Variants in NFATC2 observed in about 807,000 individuals in gnomAD.
NFATC2 encodes nuclear factor of activated T cells 2, also known as nuclear factor of activated T-cells, cytoplasmic 2.
Under a neutral mutation model 87.3 loss-of-function variants are expected in NFATC2, and 22 were observed. The ratio of observed to expected loss-of-function variants is 0.25; its 90% CI spans 0.18 to 0.36. The LOEUF is 0.36. Among genes scored for constraint, NFATC2 ranks in the 10% least tolerant of loss-of-function variants. NFATC2 has a pLI of 1.00. For missense variants in NFATC2, 1,149 were observed against 1,259.1 expected, an observed-to-expected ratio of 0.91 and a Z score of 1.32; for synonymous variants, 565 against 542.2, an observed-to-expected ratio of 1.04 and a Z score of -0.58.
intron 6 of NFATC2, among the ~76,000 whole-genome samples, chr20:51,445,603 A>G (rs1984956919): frequency 6.6e-6 from 1 of 152,192 alleles, no homozygotes; most frequent in African/African-American, 2.4e-5. Flanking sequence ...TGCGCATCCT[A>G]TATTTTCCCC....
intron 6 of NFATC2, among the ~76,000 whole-genome samples, chr20:51,449,089 G>A (rs779233854): frequency 6.6e-6 from 1 of 152,060 alleles, no homozygotes; most frequent in Non-Finnish European, 1.5e-5. Flanking sequence ...GACCAAACTC[G>A]GGGCTAAGAT....
At position 51,475,441 on chromosome 20, in the gene NFATC2, C is replaced by T; in HGVS notation, c.1535+17G>A. 1 of 1,613,044 alleles carries T rather than the reference C, an allele frequency of 6.2e-7. No homozygotes were observed. The highest frequency in any genetic ancestry group is 8.5e-7 in the Non-Finnish European group (1 of 1,179,906). On this transcript the variant is annotated intron_variant, in intron 4 of 10. Transcript: ENST00000371564. ...CTTCTCCATGAAGACCCGCCGCCCTCAGCTCCCAGCCCTTACGTTGCCCTC... is the reference window on the plus strand; with the variant it reads ...CTTCTCCATGAAGACCCGCCGCCCTTAGCTCCCAGCCCTTACGTTGCCCTC...
intron 9 of NFATC2, among the ~76,000 whole-genome samples, chr20:51,422,978 T>C (rs939011892): frequency 2.6e-5 from 4 of 151,422 alleles, no homozygotes; most frequent in Non-Finnish European, 5.9e-5. Flanking sequence ...TAGAAAGTTA[T>C]GTAGATTTTT....
At chr20:51,472,675 G>A (rs1459643984) in intron 5 of NFATC2, among the ~76,000 whole-genome samples, 1 of 105,546 alleles carries the variant, frequency 9.5e-6, no homozygotes, top group Non-Finnish European at 1.7e-5. Context: ...TCACTCTGTT[G>A]CCCAGGCTGG....
chr20:51,410,175 A>T (rs1978985815), intron 9 of NFATC2, among the ~76,000 whole-genome samples: 1 of 136,374 alleles, frequency 7.3e-6, no homozygotes, highest in Non-Finnish European at 1.5e-5. Context: ...ATGCCACTGC[A>T]CTCCAGCCTG....
At chr20:51,504,289 T>C (rs1023113201) in intron 3 of NFATC2, among the ~76,000 whole-genome samples, 77 of 152,310 alleles carry the variant, frequency 5.1e-4, no homozygotes, top group African/African-American at 1.8e-3. Flanking sequence ...CCCAAAGTGC[T>C]GGGATTACAG....
chr20:51,501,146 A>T (rs1377069211), intron 3 of NFATC2, among the ~76,000 whole-genome samples: 1 of 151,874 alleles, frequency 6.6e-6, no homozygotes, highest in Non-Finnish European at 1.5e-5. Context: ...TGGCACTTTC[A>T]TGCAGCTTCA....
intron 1 of NFATC2, among the ~76,000 whole-genome samples, chr20:51,551,854 A>T (rs573209222): frequency 2.7e-4 from 40 of 150,794 alleles, no homozygotes; most frequent in Middle Eastern, 3.4e-3. Flanking sequence ...GGTGAAACCC[A>T]ATCTCTACTA....
At chr20:51,544,462 C>T (rs2076872938), upstream of NFATC2, among the ~76,000 whole-genome samples, 1 of 152,152 alleles carries the variant, frequency 6.6e-6, no homozygotes, top group African/African-American at 2.4e-5. Context: ...GGGGAGCCAT[C>T]TCAGCTCCAT....
At chr20:51,407,789 C>T (rs1008483476) in intron 9 of NFATC2, among the ~76,000 whole-genome samples, 2 of 152,222 alleles carry the variant, frequency 1.3e-5, no homozygotes, top group Non-Finnish European at 2.9e-5. Context: ...GAGTCTGGAA[C>T]CCTAAGCCTT....
At chr20:51,503,132 T>C (rs1249291335) in intron 3 of NFATC2, among the ~76,000 whole-genome samples, 1 of 152,132 alleles carries the variant, frequency 6.6e-6, no homozygotes, top group Non-Finnish European at 1.5e-5. Flanking sequence ...AGAGAACCAA[T>C]GGCACTGGGG....
At chr20:51,465,679 G>A (rs1987610519) in intron 5 of NFATC2, among the ~76,000 whole-genome samples, 1 of 152,040 alleles carries the variant, frequency 6.6e-6, no homozygotes, top group African/African-American at 2.4e-5. Context: ...CGGCATGACA[G>A]ACACATATTT....
chr20:51,411,816 C>A (rs1173112555), intron 9 of NFATC2, among the ~76,000 whole-genome samples: 2 of 152,110 alleles, frequency 1.3e-5, no homozygotes, highest in African/African-American at 4.8e-5. Flanking sequence ...GTGTGAGCCA[C>A]CGCGCCTGGC....
At chr20:51,398,233 T>C (rs1384796037) in intron 10 of NFATC2, among the ~76,000 whole-genome samples, 1 of 152,172 alleles carries the variant, frequency 6.6e-6, no homozygotes, top group Non-Finnish European at 1.5e-5. Flanking sequence ...GCTTCTTAGG[T>C]AGGTTTTCGG....
chr20:51,532,298 T>C (rs2076646297), intron 1 of NFATC2, among the ~76,000 whole-genome samples: 1 of 152,040 alleles, frequency 6.6e-6, no homozygotes, highest in South Asian at 2.1e-4. Context: ...CCAAGATTCA[T>C]TCTCAGGCAA....
At chr20:51,530,411 T>C (rs6123047) in intron 1 of NFATC2, among the ~76,000 whole-genome samples, 57,337 of 152,012 alleles carry the variant, frequency 0.38, 11,780 homozygotes, top group African/African-American at 0.54. Flanking sequence ...TCAAGTGATC[T>C]GCCCACCTCG....
At chr20:51,532,294 T>G (rs1758500443) in intron 1 of NFATC2, among the ~76,000 whole-genome samples, 1 of 152,048 alleles carries the variant, frequency 6.6e-6, no homozygotes, top group Non-Finnish European at 1.5e-5. Flanking sequence ...AGAGCCAAGA[T>G]TCATTCTCAG....
chr20:51,398,759 A>G (rs201437095), intron 9 of NFATC2, 29 bp from the exon 10 acceptor site: 162 of 1,459,696 alleles, frequency 1.1e-4, no homozygotes, highest in Non-Finnish European at 1.3e-4. Context: ...ATCATTTTTG[A>G]GAAGAAAAAA....
intron 9 of NFATC2, among the ~76,000 whole-genome samples, chr20:51,404,277 G>C (rs910154): frequency 6.6e-6 from 1 of 151,706 alleles, no homozygotes; most frequent in Non-Finnish European, 1.5e-5. Flanking sequence ...TCCCAGCTCT[G>C]CCACATCCTT....
Sources: allele counts gnomAD v4.1 joint callset (sites outside exome capture counted in the v4.1 genomes callset), GRCh38; gene constraint gnomAD v4.1.1; transcripts MANE v1.5; gene names NCBI Gene and HGNC (gene_info 2026-07-23, HGNC 2026-07-21).